CTNNA2: variants seen among roughly 807,000 people sequenced by gnomAD.
CTNNA2 encodes the protein catenin alpha 2.
CTNNA2 carries 42 observed loss-of-function variants against 101.0 expected under a neutral mutation model. That is an observed-to-expected ratio of 0.42 (90% CI 0.32 to 0.54). The LOEUF is 0.54. CTNNA2 is among the 20% of genes least tolerant of loss of function. The pLI is 0.14. For synonymous variants in CTNNA2, 450 were observed against 456.4 expected (o/e 0.99, Z 0.18); for missense variants, 871 against 1,223.1 (o/e 0.71, Z 4.29).
chr2:80,304,645 A>AG (rs1174304704), intron 7 of CTNNA2: 2 of 152,246 alleles, frequency 1.3e-5, no homozygotes, highest in African/African-American at 4.9e-5. Context: ...GGCGGTGGGG[A>AG]GGTGCGGACG....
intron 3 of CTNNA2, among the ~76,000 whole-genome samples, chr2:79,836,278 G>A (rs560751970): frequency 5.9e-5 from 9 of 152,204 alleles, no homozygotes; most frequent in Non-Finnish European, 1.2e-4. Context: ...TTGATGTTCT[G>A]GAAAGCTGGT....
At chr2:79,802,770 C>CT (rs1220825140) in intron 3 of CTNNA2, among the ~76,000 whole-genome samples, 3 of 152,206 alleles carry the variant, frequency 2.0e-5, no homozygotes, top group African/African-American at 7.2e-5. Flanking sequence ...CAGTTACATG[C>CT]TTTTTTGTGT....
intron 2 of CTNNA2, among the ~76,000 whole-genome samples, chr2:79,683,845 A>C (rs1223885385): frequency 6.6e-6 from 1 of 152,228 alleles, no homozygotes; most frequent in Non-Finnish European, 1.5e-5. Context: ...CAGGCTCAAG[A>C]TTTTAAAAGC....
chr2:79,221,979 C>A (rs113697220), intron 2 of CTNNA2, among the ~76,000 whole-genome samples: 2 of 151,978 alleles, frequency 1.3e-5, no homozygotes, highest in African/African-American at 4.8e-5. Context: ...TTTAATGAGG[C>A]CTTTTCTGTG....
chr2:80,439,321 G>A (rs964917006), intron 9 of CTNNA2, among the ~76,000 whole-genome samples: 2 of 152,062 alleles, frequency 1.3e-5, no homozygotes, highest in South Asian at 2.1e-4. Flanking sequence ...AAAAGTTGGC[G>A]GTTATATGAA....
At chr2:80,099,939 G>A (rs924362352) in intron 7 of CTNNA2, among the ~76,000 whole-genome samples, 1 of 151,486 alleles carries the variant, frequency 6.6e-6, no homozygotes, top group Admixed American at 6.6e-5. Flanking sequence ...TATTTTTTTT[G>A]TTGTTGTTGA....
intron 1 of CTNNA2, among the ~76,000 whole-genome samples, chr2:79,647,899 G>C (rs1351532640): frequency 6.6e-6 from 1 of 152,154 alleles, no homozygotes; most frequent in Non-Finnish European, 1.5e-5. Context: ...TCCTTCTTTC[G>C]TTTTGGACCA....
At chr2:80,115,653 C>T (rs1468628481) in intron 7 of CTNNA2, among the ~76,000 whole-genome samples, 1 of 152,054 alleles carries the variant, frequency 6.6e-6, no homozygotes, top group Non-Finnish European at 1.5e-5. Flanking sequence ...AGATTTGGGA[C>T]AGAGGGAGGG....
At chr2:79,297,721 C>T (rs545332131) in intron 2 of CTNNA2, among the ~76,000 whole-genome samples, 1 of 152,294 alleles carries the variant, frequency 6.6e-6, no homozygotes, top group East Asian at 1.9e-4. Context: ...ATTGCTTTAA[C>T]TCTATCAAGA....
At chr2:79,872,470 A>G (rs1289259599) in intron 5 of CTNNA2, among the ~76,000 whole-genome samples, 2 of 152,140 alleles carry the variant, frequency 1.3e-5, no homozygotes, top group Non-Finnish European at 1.5e-5. Flanking sequence ...ACTGTTTGGG[A>G]GAAACCTACC....
rs957934373 is a variant in CTNNA2 at position 80,457,367 on chromosome 2, C to T, written c.1290+37766C>T. On this transcript the variant is annotated intron_variant, in intron 9 of 18. Transcript: ENST00000402739. The stretch of plus-strand genomic sequence containing the variant: ...GCGTGAGTCACTGTGCCCGACTGAT[C>T]GTTATACATTATATATATTGAAATA... Among the ~76,000 whole-genome samples, 4 of 151,968 alleles carry T rather than the reference C, an allele frequency of 2.6e-5. No homozygotes were observed. In the South Asian group the frequency reaches 6.2e-4, roughly 24 times the overall value.
chr2:80,282,336 C>T (rs1159194070), intron 7 of CTNNA2, among the ~76,000 whole-genome samples: 6 of 151,826 alleles, frequency 4.0e-5, no homozygotes, highest in Non-Finnish European at 5.9e-5. Flanking sequence ...ATGAGAAAAG[C>T]GAGTACATTT....
At chr2:79,650,934 A>G (rs886569586) in intron 1 of CTNNA2, among the ~76,000 whole-genome samples, 4 of 151,416 alleles carry the variant, frequency 2.6e-5, no homozygotes, top group African/African-American at 7.3e-5. Context: ...ATGATTTCCA[A>G]TTTCATCCAT....
At chr2:80,531,160 A>AG (rs1184062057) in intron 9 of CTNNA2, among the ~76,000 whole-genome samples, 1 of 152,192 alleles carries the variant, frequency 6.6e-6, no homozygotes, top group African/African-American at 2.4e-5. Flanking sequence ...GACAGCAGTC[A>AG]GGTTGTCTCC....
intron 1 of CTNNA2, among the ~76,000 whole-genome samples, chr2:79,555,202 CTCTT>C (rs999560608): frequency 2.0e-5 from 3 of 152,096 alleles, no homozygotes; most frequent in Non-Finnish European, 4.4e-5. Flanking sequence ...TATCACTTTT[CTCTT>C]TCTTGGCAAA....
At chr2:80,640,574 G>C (rs1473982037) in intron 18 of CTNNA2, among the ~76,000 whole-genome samples, 1 of 152,144 alleles carries the variant, frequency 6.6e-6, no homozygotes, top group Non-Finnish European at 1.5e-5. Flanking sequence ...AAGTGTTATT[G>C]ATATAGACTC....
In CTNNA2 at chr2:79,507,423, T is replaced by C. The variant is rs559012325; in HGVS notation, c.-6+2241T>C. Among the ~76,000 whole-genome samples, 12 of 152,166 alleles carry C rather than the reference T, an allele frequency of 7.9e-5. No individual in the cohort carries two copies. The South Asian group carries it at 2.5e-3, about 32-fold the overall frequency. On this transcript the variant is annotated intron_variant, in intron 5 of 21. Coordinates refer to the CTNNA2 transcript ENST00000466387. ...CCATTATCAAGGAGTGGGTTCCTGA[T>C]AAAAGGAGAATTCAGCCCCCTTCCT...
chr2:80,066,758 T>C (rs1320478853), intron 7 of CTNNA2, among the ~76,000 whole-genome samples: 1 of 152,142 alleles, frequency 6.6e-6, no homozygotes, highest in African/African-American at 2.4e-5. Context: ...GTAAATGAAA[T>C]CAGTATGTTG....
intron 7 of CTNNA2, among the ~76,000 whole-genome samples, chr2:80,355,873 C>A (rs995777381): frequency 8.6e-5 from 13 of 152,022 alleles, no homozygotes; most frequent in African/African-American, 2.9e-4. Context: ...AATGATACCC[C>A]AAAAAAGTAT....
Sources: gnomAD v4.1 joint callset for allele counts (sites outside exome capture counted in the v4.1 genomes callset) on GRCh38, gnomAD v4.1.1 for gene constraint, MANE v1.5 for transcripts, NCBI Gene and HGNC (gene_info 2026-07-23, HGNC 2026-07-21) for gene names.